ITGB5: variants seen among roughly 807,000 people sequenced by gnomAD.
The protein encoded by ITGB5 is integrin beta-5.
A neutral mutation model predicts 84.8 loss-of-function variants in ITGB5; 38 were observed. That is an observed-to-expected ratio of 0.45 (90% CI 0.35 to 0.59). The LOEUF (loss-of-function observed/expected upper bound fraction) is 0.59, where lower values mean the gene tolerates loss of function less well. ITGB5 is among the 20% of genes least tolerant of loss of function. ITGB5 has a pLI of 0.01. For synonymous variants in ITGB5, 393 were observed against 414.4 expected, an observed-to-expected ratio of 0.95 and a Z score of 0.63; for missense variants, 905 against 1,034.5, an observed-to-expected ratio of 0.87 and a Z score of 1.72.
intron 1 of ITGB5, among the ~76,000 whole-genome samples, chr3:124,879,146 T>G (rs899445410): frequency 1.3e-5 from 2 of 152,234 alleles, no homozygotes; most frequent in Non-Finnish European, 2.9e-5. Flanking sequence ...CAACCCTTCC[T>G]GTCTGCAACC....
intron 8 of ITGB5, among the ~76,000 whole-genome samples, chr3:124,815,118 G>A (rs2064567520): frequency 6.6e-6 from 1 of 152,200 alleles, no homozygotes; most frequent in South Asian, 2.1e-4. Context: ...GCACTTATGA[G>A]ATCCCATGCA....
chr3:124,865,770 G>A (rs1205459236), intron 2 of ITGB5, among the ~76,000 whole-genome samples: 1 of 151,982 alleles, frequency 6.6e-6, no homozygotes, highest in East Asian at 1.9e-4. Flanking sequence ...TTATAGGCGT[G>A]AGCCACCATG....
intron 5 of ITGB5, among the ~76,000 whole-genome samples, chr3:124,840,574 GC>G (rs1330627604): frequency 6.6e-6 from 1 of 151,904 alleles, no homozygotes; most frequent in African/African-American, 2.4e-5. Flanking sequence ...CTAAGTCTAG[GC>G]CCTCCCTCTG....
chr3:124,766,198 G>C, intron 13 of ITGB5, 28 bp downstream of exon 13: 2 of 1,604,564 alleles, frequency 1.2e-6, no homozygotes, highest in South Asian at 2.2e-5. Flanking sequence ...CTGGCTGAGT[G>C]GGCCGAGCCC....
chr3:124,860,062 A>T (rs2065275305), intron 2 of ITGB5, among the ~76,000 whole-genome samples: 1 of 152,250 alleles, frequency 6.6e-6, no homozygotes, highest in African/African-American at 2.4e-5. Flanking sequence ...TGGATGCTGG[A>T]TAATCATTCA....
rs531284361 is a variant in ITGB5 at position 124,779,745 on chromosome 3, C to T, written c.1694-5833G>A. On this transcript the variant is annotated intron_variant, in intron 10 of 14. Coordinates refer to ENST00000296181, the MANE Select transcript of ITGB5 (RefSeq NM_002213.5). ...GGTAGGGTTGTTGTGTGAGTTAGCTCGCTTAACCTCTATAAACCACTTAGA... is the reference window on the plus strand; with the variant it reads ...GGTAGGGTTGTTGTGTGAGTTAGCTTGCTTAACCTCTATAAACCACTTAGA... 3.9e-5 allele frequency among the ~76,000 whole-genome samples: 6 copies of T among 152,246 alleles called. 1 individual carries two copies. The South Asian group carries it at 1.0e-3, about 26-fold the overall frequency.
intron 10 of ITGB5, among the ~76,000 whole-genome samples, chr3:124,793,444 C>T (rs1422580415): frequency 1.3e-5 from 2 of 152,208 alleles, no homozygotes; most frequent in Non-Finnish European, 2.9e-5. Context: ...TTCCACCACC[C>T]TGGAATTTTT....
At chr3:124,802,886 A>T (rs973906030) in intron 9 of ITGB5, among the ~76,000 whole-genome samples, 2 of 146,844 alleles carry the variant, frequency 1.4e-5, no homozygotes, top group African/African-American at 4.9e-5. Context: ...GTCAGGGGCC[A>T]TGTGACCATG....
chr3:124,767,095 G>A (rs1010507193), intron 12 of ITGB5, among the ~76,000 whole-genome samples: 3 of 152,240 alleles, frequency 2.0e-5, no homozygotes, highest in Non-Finnish European at 2.9e-5. Context: ...CTGGGAGAGG[G>A]TTAGCGGGCT....
chr3:124,878,088 G>GATCT (rs1252958980), intron 1 of ITGB5, among the ~76,000 whole-genome samples: 1 of 152,180 alleles, frequency 6.6e-6, no homozygotes, highest in Non-Finnish European at 1.5e-5. Flanking sequence ...GACTTCAAGT[G>GATCT]ATCTGCCCAC....
chr3:124,859,431 G>T lies in ITGB5; in HGVS notation c.172C>A (p.Arg58=), dbSNP rs79096019. ...WCSKEDFGSP[R]SITSRCDLRA... ...AGATCACACCGAGAGGTGATGGACC[G>T]TGGGCTTCCGAAGTCCTAGGCAGGG... The change falls in exon 3 of 15, where the codon CGG becomes AGG. Residue 58 remains arginine (R), a synonymous_variant. Coordinates refer to ENST00000296181, the MANE Select transcript of ITGB5 (RefSeq NM_002213.5). 6.2e-7 allele frequency: 1 copy of T among 1,613,798 alleles called. No homozygotes were observed. The highest frequency in any genetic ancestry group is 8.5e-7 in the Non-Finnish European group (1 of 1,179,906).
intron 9 of ITGB5, among the ~76,000 whole-genome samples, chr3:124,803,532 A>T (rs954058511): frequency 7.9e-5 from 12 of 152,188 alleles, no homozygotes; most frequent in Non-Finnish European, 1.6e-4. Context: ...TTGCTCTGTA[A>T]TGGGGAGGCA....
At chr3:124,877,778 C>T (rs1934391826) in intron 1 of ITGB5, among the ~76,000 whole-genome samples, 1 of 152,120 alleles carries the variant, frequency 6.6e-6, no homozygotes, top group African/African-American at 2.4e-5. Flanking sequence ...CTCTGGAGAT[C>T]TGTAACAGCC....
At chr3:124,858,860 G>C (rs2065255845) in intron 3 of ITGB5, among the ~76,000 whole-genome samples, 1 of 152,118 alleles carries the variant, frequency 6.6e-6, no homozygotes, top group Admixed American at 6.6e-5. Context: ...AGAATGAGGA[G>C]TTAATGTTTA....
At chr3:124,840,434 T>G (rs2064994582) in intron 5 of ITGB5, among the ~76,000 whole-genome samples, 1 of 102,420 alleles carries the variant, frequency 9.8e-6, no homozygotes, top group Non-Finnish European at 2.1e-5. Flanking sequence ...TTTAAGAGTG[T>G]TTTTTTTTTG....
At position 124,852,135 on chromosome 3, in the gene ITGB5, G is replaced by A. The variant is rs553913660; in HGVS notation, c.362-3577C>T. On this transcript the variant is annotated intron_variant, in intron 3 of 14. Transcript: ENST00000296181. ...GACTTTAAGCCAATCGCCACCTCCC[G>A]CTGCCCGGCAGAGTGGGAAGCGCTT... 5.3e-5 allele frequency among the ~76,000 whole-genome samples: 8 copies of A among 152,004 alleles called. No homozygotes were observed. The South Asian group carries it at 6.3e-4, about 12-fold the overall frequency.
At chr3:124,801,434 T>G (rs568399350) in intron 9 of ITGB5, among the ~76,000 whole-genome samples, 14 of 152,168 alleles carry the variant, frequency 9.2e-5, no homozygotes, top group Non-Finnish European at 1.9e-4. Context: ...CCTCTCCTGC[T>G]TCTTGCTAGA....
intron 10 of ITGB5, among the ~76,000 whole-genome samples, chr3:124,794,270 G>A (rs1407288101): frequency 1.3e-5 from 2 of 152,138 alleles, no homozygotes; most frequent in African/African-American, 2.4e-5. Flanking sequence ...TAATCAGAAC[G>A]CAATACCAGA....
rs2063738734 is a variant in ITGB5 at position 124,764,476 on chromosome 3, G to A, written c.2219C>T (p.Ala740Val). 2 of 1,614,102 alleles carry A rather than the reference G, an allele frequency of 1.2e-6. No individual in the cohort carries two copies. Among genetic ancestry groups the A allele is most frequent in the African/African-American group, 2.7e-5 (2 of 75,026 alleles). Residue 740 changes from alanine to valine, a missense_variant, in exon 14 of 15, where the codon GCT becomes GTT. By Grantham distance (64) the Ala-to-Val change is moderately conservative. Transcript: ENST00000296181. ...GATGGTGACAAGCAGCTTCCAGATA[G>A]CCAGGAGTGCAAGCCCAACAAGGAG... ...SILLVGLALLAIWKLLVTIHD... is the reference protein window; with the variant it reads ...SILLVGLALLVIWKLLVTIHD...
Sources: gnomAD v4.1 joint callset for allele counts (sites outside exome capture counted in the v4.1 genomes callset) on GRCh38, gnomAD v4.1.1 for gene constraint, MANE v1.5 for transcripts, NCBI Gene and HGNC (gene_info 2026-07-23, HGNC 2026-07-21) for gene names.